Variants in SMIM17 observed in about 807,000 individuals in gnomAD.
SMIM17 encodes small integral membrane protein 17.
A neutral mutation model predicts 12.2 loss-of-function variants in SMIM17; 10 were observed. The observed-to-expected ratio is 0.82, with a 90% confidence interval of 0.50 to 1.39. The LOEUF (loss-of-function observed/expected upper bound fraction) is 1.39. Among genes scored for constraint, SMIM17 ranks in the 40% most tolerant of loss-of-function variants. The probability of loss-of-function intolerance (pLI) is 0.00; values close to 1 mark genes in which losing one functional copy is unlikely to be tolerated. For synonymous variants in SMIM17, 50 were observed against 44.1 expected, an observed-to-expected ratio of 1.13 and a Z score of -0.53; for missense variants, 136 against 118.2, an observed-to-expected ratio of 1.15 and a Z score of -0.70.
chr19:56,652,426 G>A (rs1197191989), intron 3 of SMIM17, among the ~76,000 whole-genome samples: 1 of 152,100 alleles, frequency 6.6e-6, no homozygotes, highest in Admixed American at 6.5e-5. Context: ...AGGCCGAGGT[G>A]GGTGGATTAC....
At chr19:56,646,841 G>A (rs73059481) in intron 2 of SMIM17, among the ~76,000 whole-genome samples, 11,936 of 152,160 alleles carry the variant, frequency 0.078, 507 homozygotes, top group Middle Eastern at 0.11. Context: ...GCCATTTGCC[G>A]ACATCTCAAT....
chr19:56,655,068 T>C (rs1568519630), intron 3 of SMIM17, 35 bp from the exon 4 acceptor site: 2 of 649,348 alleles, frequency 3.1e-6, no homozygotes, highest in African/African-American at 3.6e-5. Context: ...CCCCTTCCTT[T>C]CCAATATTTA....
At chr19:56,650,958 A>G (rs1468281028) in intron 3 of SMIM17, among the ~76,000 whole-genome samples, 1 of 150,826 alleles carries the variant, frequency 6.6e-6, no homozygotes, top group Non-Finnish European at 1.5e-5. Flanking sequence ...GCATTGATGG[A>G]GCACACACCA....
intron 3 of SMIM17, among the ~76,000 whole-genome samples, chr19:56,654,079 C>A (rs769579329): frequency 3.3e-5 from 5 of 152,178 alleles, no homozygotes; most frequent in Non-Finnish European, 7.3e-5. Flanking sequence ...TTTATGAACT[C>A]ATTCAACAAA....
Position 56,655,702 on chromosome 19 carries a change from C to A in SMIM17, c.*489C>A, listed in dbSNP as rs1355029145. On this transcript the variant is annotated 3_prime_UTR_variant, in exon 4 of 4. Coordinates refer to ENST00000598409, the MANE Select transcript of SMIM17 (RefSeq NM_001193628.2). ...TGCTATCTTTGTGAAGTTTTGGTAT[C>A]ATGGTTAAGCTTGCATCATAGAAAG... The A allele has an allele frequency of 6.4e-6, 1 of 155,742 alleles. No individual in the cohort carries two copies. The highest frequency in any genetic ancestry group is 1.4e-5 in the Non-Finnish European group (1 of 70,554). 9.6% of individuals were successfully genotyped at this position (155,742 alleles called of 1,614,324 possible).
intron 3 of SMIM17, among the ~76,000 whole-genome samples, chr19:56,648,064 T>C (rs1343283558): frequency 3.1e-5 from 3 of 97,892 alleles, no homozygotes; most frequent in Non-Finnish European, 6.6e-5. Flanking sequence ...CATCCATCCA[T>C]CCATCCATCC....
intron 3 of SMIM17, 91 bp downstream of exon 3, chr19:56,647,725 C>T: frequency 9.2e-7 from 1 of 1,085,210 alleles, no homozygotes; most frequent in Non-Finnish European, 1.3e-6. Flanking sequence ...TTGGAATTTA[C>T]CTGCCCCATA....
chr19:56,644,028 C>A (rs962655122), intron 1 of SMIM17, among the ~76,000 whole-genome samples: 1 of 151,924 alleles, frequency 6.6e-6, no homozygotes, highest in Non-Finnish European at 1.5e-5. Flanking sequence ...CCCACCATAC[C>A]TCTGTCTCAT....
rs117509020 is a variant in SMIM17, at chr19:56,654,814, G to A, written c.247-289G>A. ...ATATGCAAGCACACACATATCTCTT[G>A]AGGGGGTGGGGTCATTAGAGCATAG... On this transcript the variant is annotated intron_variant, in intron 3 of 3. Coordinates refer to ENST00000598409, the MANE Select transcript of SMIM17 (RefSeq NM_001193628.2). Among the ~76,000 whole-genome samples the A allele has an allele frequency of 6.9e-4, 105 of 152,314 alleles. No homozygotes were observed. In the East Asian group the frequency reaches 0.016, roughly 23 times the overall value.
chr19:56,648,051 T>TTCCATCCATCCA (rs72265006), intron 3 of SMIM17, among the ~76,000 whole-genome samples: 1 of 134,014 alleles, frequency 7.5e-6, no homozygotes, highest in Non-Finnish European at 1.6e-5. Context: ...TGTATACCCA[T>TTCCATCCATCCA]TCCATCCATC....
intron 3 of SMIM17, among the ~76,000 whole-genome samples, 176 bp from the exon 4 acceptor site, chr19:56,654,927 G>A (rs2045137661): frequency 6.6e-6 from 1 of 152,146 alleles, no homozygotes; most frequent in South Asian, 2.1e-4. Context: ...AGAGAGCATA[G>A]TTATGTTACA....
chr19:56,651,450 A>G (rs1359561763), intron 3 of SMIM17, among the ~76,000 whole-genome samples: 1 of 152,198 alleles, frequency 6.6e-6, no homozygotes, highest in African/African-American at 2.4e-5. Context: ...CCGGGAGGGC[A>G]GAAGTTCCCA....
chr19:56,647,458 A>C, intron 2 of SMIM17, 100 bp from the exon 3 acceptor site: 1 of 725,956 alleles, frequency 1.4e-6, no homozygotes, highest in Non-Finnish European at 2.2e-6. Context: ...AGAGGAGGCT[A>C]TTACTAGAAA....
chr19:56,654,639 G>A (rs1308087763), intron 3 of SMIM17, among the ~76,000 whole-genome samples: 1 of 152,140 alleles, frequency 6.6e-6, no homozygotes, highest in Non-Finnish European at 1.5e-5. Flanking sequence ...AAGGGGTAAT[G>A]GGAGGAAAAC....
At position 56,643,815 on chromosome 19, in the gene SMIM17, T is replaced by C. The variant is rs191555679; in HGVS notation, c.-101+605T>C. 2.6e-5 allele frequency among the ~76,000 whole-genome samples: 4 copies of C among 152,292 alleles called. 1 individual carries two copies. Among genetic ancestry groups the C allele is most frequent in the Admixed American group, 2.6e-4 (4 of 15,296 alleles). ...CTGTAGCGAGAAGTATGGCCACCTT[T>C]ATGTGAGAAAAGGGATTCGCAGGGC... On this transcript the variant is annotated intron_variant, in intron 1 of 3. Transcript: ENST00000598409.
chr19:56,646,463 G>A (rs1164203801), intron 2 of SMIM17, among the ~76,000 whole-genome samples: 1 of 152,202 alleles, frequency 6.6e-6, no homozygotes. Flanking sequence ...CTGTGGAGAT[G>A]CTGCTGTTAT....
chr19:56,649,298 C>G lies in SMIM17; in HGVS notation c.246+1664C>G, dbSNP rs188030266. ...GGTGAAAATATGGCTGGGATGACAT[C>G]ATTCACTCATTGCACGTCTATTTCT... On this transcript the variant is annotated intron_variant, in intron 3 of 3. Transcript: ENST00000598409. Among the ~76,000 whole-genome samples the G allele has an allele frequency of 4.6e-5, 7 of 152,256 alleles. No individual in the cohort carries two copies. The East Asian group carries it at 1.4e-3, about 29-fold the overall frequency.
At chr19:56,646,298 A>C (rs753987226) in intron 2 of SMIM17, among the ~76,000 whole-genome samples, 4 of 152,174 alleles carry the variant, frequency 2.6e-5, no homozygotes, top group Non-Finnish European at 4.4e-5. Context: ...ATTTTCAAGC[A>C]CTGGAAGATT....
At chr19:56,644,784 T>C (rs1025672948) in intron 1 of SMIM17, among the ~76,000 whole-genome samples, 11 of 152,212 alleles carry the variant, frequency 7.2e-5, no homozygotes, top group African/African-American at 2.7e-4. Flanking sequence ...GACTCATTGA[T>C]TGATTTTTGA....
Sources: gnomAD v4.1 joint callset for allele counts (sites outside exome capture counted in the v4.1 genomes callset) on GRCh38, gnomAD v4.1.1 for gene constraint, MANE v1.5 for transcripts, NCBI Gene and HGNC (gene_info 2026-07-23, HGNC 2026-07-21) for gene names.